The following APBA1 variants were observed in gnomAD, a reference collection of about 807,000 sequenced individuals.
APBA1 encodes amyloid beta precursor protein binding family A member 1, also known as amyloid-beta A4 precursor protein-binding family A member 1.
Under a neutral mutation model 86.6 loss-of-function variants are expected in APBA1, and 55 were observed. The observed-to-expected ratio is 0.64, with a 90% confidence interval of 0.51 to 0.80. The LOEUF (loss-of-function observed/expected upper bound fraction) is 0.80, where lower values mean the gene tolerates loss of function less well. Among genes scored for constraint, APBA1 ranks in the 30% least tolerant of loss-of-function variants. The probability of loss-of-function intolerance (pLI) is 0.00; values close to 1 mark genes in which losing one functional copy is unlikely to be tolerated. For missense variants in APBA1, 1,090 were observed against 1,183.0 expected (o/e 0.92, Z 1.15); for synonymous variants, 511 against 493.9 (o/e 1.03, Z -0.46).
Position 69,631,748 on chromosome 9 carries a change from C to T in APBA1, c.-70+40405G>A, listed in dbSNP as rs1823051167. 2.6e-5 allele frequency among the ~76,000 whole-genome samples: 4 copies of T among 152,160 alleles called. No individual in the cohort carries two copies. In the South Asian group the frequency reaches 8.3e-4, roughly 31 times the overall value. ...GCCACAAAAAAGGATGAGTTCATGT[C>T]CTTTGTAGGAACATGGATGAAGCTG... On this transcript the variant is annotated intron_variant, in intron 1 of 12. Transcript: ENST00000265381.
chr9:69,542,727 A>G (rs1195615559), intron 1 of APBA1, among the ~76,000 whole-genome samples: 1 of 152,256 alleles, frequency 6.6e-6, no homozygotes, highest in East Asian at 1.9e-4. Flanking sequence ...GCAAAATTAT[A>G]GAATTTTAAT....
chr9:69,662,773 C>A (rs1823775745), intron 1 of APBA1, among the ~76,000 whole-genome samples: 1 of 152,132 alleles, frequency 6.6e-6, no homozygotes, highest in Non-Finnish European at 1.5e-5. Flanking sequence ...AGGAAAGAAT[C>A]GTGAGGAACC....
At chr9:69,620,697 G>T (rs1822798610) in intron 1 of APBA1, among the ~76,000 whole-genome samples, 1 of 152,214 alleles carries the variant, frequency 6.6e-6, no homozygotes, top group South Asian at 2.1e-4. Context: ...AAACAAAACT[G>T]AGAGACAGAG....
At chr9:69,488,554 T>C (rs1331409935) in intron 2 of APBA1, among the ~76,000 whole-genome samples, 1 of 152,130 alleles carries the variant, frequency 6.6e-6, no homozygotes, top group Non-Finnish European at 1.5e-5. Context: ...TGAATGAATG[T>C]TCAGCAGCTT....
At chr9:69,519,536 T>A (rs10481752) in intron 1 of APBA1, among the ~76,000 whole-genome samples, 6 of 152,214 alleles carry the variant, frequency 3.9e-5, no homozygotes, top group Non-Finnish European at 7.4e-5. Flanking sequence ...CATTGGGTTC[T>A]TAAGGTACAA....
chr9:69,580,257 T>C (rs1821889290), intron 1 of APBA1, among the ~76,000 whole-genome samples: 1 of 152,112 alleles, frequency 6.6e-6, no homozygotes, highest in Admixed American at 6.6e-5. Flanking sequence ...AATGGGTGAG[T>C]GCTGTTGTCC....
rs188972501 is a variant in APBA1, at chr9:69,500,583, G to A, written c.1200+15428C>T. Among the ~76,000 whole-genome samples the A allele has an allele frequency of 2.0e-5, 3 of 152,214 alleles. No individual in the cohort carries two copies. The East Asian group carries it at 5.8e-4, about 29-fold the overall frequency. On this transcript the variant is annotated intron_variant, in intron 2 of 12. Coordinates refer to ENST00000265381, the MANE Select transcript of APBA1 (RefSeq NM_001163.4). ...AGATACAGGAGAACGATGAGACACC[G>A]ACAGTGAATTACAGAGGCAACAGGT...
At chr9:69,459,740 C>A (rs1835158922) in intron 5 of APBA1, among the ~76,000 whole-genome samples, 1 of 152,224 alleles carries the variant, frequency 6.6e-6, no homozygotes, top group South Asian at 2.1e-4. Context: ...CTGAACATCT[C>A]TGTGCCTCAG....
chr9:69,506,073 G>A (rs1047618208), intron 2 of APBA1, among the ~76,000 whole-genome samples: 10 of 151,580 alleles, frequency 6.6e-5, no homozygotes, highest in Non-Finnish European at 1.0e-4. Flanking sequence ...CAAGATGGCC[G>A]AATAGGAACA....
intron 8 of APBA1, among the ~76,000 whole-genome samples, chr9:69,452,986 T>C (rs1004766298): frequency 1.3e-5 from 2 of 152,202 alleles, no homozygotes; most frequent in Non-Finnish European, 2.9e-5. Context: ...ACTGGAAAGT[T>C]TATGATATCC....
chr9:69,667,707 A>G (rs924489805), intron 1 of APBA1, among the ~76,000 whole-genome samples: 2 of 151,564 alleles, frequency 1.3e-5, no homozygotes, highest in African/African-American at 4.9e-5. Context: ...TACTAAAAAT[A>G]CCACTTTCCC....
At position 69,516,537 on chromosome 9, in the gene APBA1, G is replaced by GCGGCCGCCT; in HGVS notation, c.665_673dup (p.Glu222_Ala224dup). On this transcript the variant is annotated inframe_insertion, in exon 2 of 13. Coordinates refer to ENST00000265381, the MANE Select transcript of APBA1 (RefSeq NM_001163.4). The surrounding 1 kb of genome is among the most constrained non-coding windows in gnomAD (Gnocchi z 7.3). ...CGCGCCCAGGGCCTCCTGGCGGTAC[G>GCGGCCGCCT]CGGCCGCCTCGTCGCGCTCCTGCTC... is the stretch of plus-strand genomic sequence containing the variant. The GCGGCCGCCT allele has an allele frequency of 1.3e-6, 2 of 1,595,080 alleles. No individual in the cohort carries two copies. Among genetic ancestry groups the GCGGCCGCCT allele is most frequent in the East Asian group, 2.2e-5 (1 of 44,584 alleles).
intron 11 of APBA1, among the ~76,000 whole-genome samples, chr9:69,440,358 TTGTC>T (rs1431865507): frequency 6.6e-6 from 1 of 152,108 alleles, no homozygotes; most frequent in Non-Finnish European, 1.5e-5. Context: ...TGCCTTTTGT[TTGTC>T]TGTGCCCTGC....
chr9:69,586,977 C>T (rs1450571244), intron 1 of APBA1, among the ~76,000 whole-genome samples: 29 of 152,202 alleles, frequency 1.9e-4, no homozygotes. Context: ...AGACCATTGT[C>T]ACTAAAGGTA....
chr9:69,447,408 A>G (rs537166992), intron 10 of APBA1, among the ~76,000 whole-genome samples: 1 of 152,014 alleles, frequency 6.6e-6, no homozygotes, highest in African/African-American at 2.4e-5. Context: ...CAGTTTCTCA[A>G]CCTCAGCACT....
chr9:69,622,131 A>G (rs1822831491), intron 1 of APBA1, among the ~76,000 whole-genome samples: 2 of 152,242 alleles, frequency 1.3e-5, no homozygotes, highest in Non-Finnish European at 2.9e-5. Flanking sequence ...GGCCCCAGGA[A>G]TCTGGGGATG....
In APBA1 at chr9:69,658,262, TTC is replaced by T. The variant is rs1491395713; in HGVS notation, c.-70+13889_-70+13890del. Among the ~76,000 whole-genome samples the T allele has an allele frequency of 4.6e-3, 346 of 75,632 alleles. 5 individuals are homozygous for T. Among genetic ancestry groups the T allele is most frequent in the South Asian group, 0.013 (21 of 1,562 alleles). 49.6% of individuals were successfully genotyped at this position (75,632 alleles called of 152,430 possible). ...TTTCTTTCTTTCTTTCTTTCTTTCT[TTC>T]TTTCTTTCTTTCTTTCTTTCTCTCT... On this transcript the variant is annotated intron_variant, in intron 1 of 12. Transcript: ENST00000265381.
chr9:69,642,889 C>T (rs187440342), intron 1 of APBA1, among the ~76,000 whole-genome samples: 406 of 152,026 alleles, frequency 2.7e-3, no homozygotes, highest in African/African-American at 9.5e-3. Flanking sequence ...GGGTCTCCAG[C>T]CTTCCAGCTT....
At chr9:69,576,712 A>G (rs1337540213) in intron 1 of APBA1, among the ~76,000 whole-genome samples, 1 of 151,596 alleles carries the variant, frequency 6.6e-6, no homozygotes, top group African/African-American at 2.4e-5. Context: ...GTTGTGGGGT[A>G]GGGGGAGCGG....
Sources: allele counts gnomAD v4.1 joint callset (sites outside exome capture counted in the v4.1 genomes callset), GRCh38; gene constraint gnomAD v4.1.1; non-coding constraint Gnocchi (gnomAD v3.1); transcripts MANE v1.5; gene names NCBI Gene and HGNC (gene_info 2026-07-23, HGNC 2026-07-21).